The following ASB4 variants were observed in gnomAD, a reference collection of about 807,000 sequenced individuals.
ASB4 encodes the protein ankyrin repeat and SOCS box protein 4.
A neutral mutation model predicts 38.6 loss-of-function variants in ASB4; 35 were observed. The ratio of observed to expected loss-of-function variants is 0.91; its 90% CI spans 0.69 to 1.20. The LOEUF (loss-of-function observed/expected upper bound fraction) is 1.20. Ranked by LOEUF, ASB4 falls within the 50% of genes most tolerant of loss-of-function variation. ASB4 has a pLI of 0.00. For missense variants in ASB4, 557 were observed against 527.2 expected, an observed-to-expected ratio of 1.06 and a Z score of -0.55; for synonymous variants, 195 against 201.3, an observed-to-expected ratio of 0.97 and a Z score of 0.26.
chr7:95,478,765 G>C (rs1789999352), intron 1 of ASB4, among the ~76,000 whole-genome samples: 1 of 152,198 alleles, frequency 6.6e-6, no homozygotes, highest in East Asian at 1.9e-4. Flanking sequence ...ATGTGCTTGC[G>C]TAGGACTTTG....
the ASB4 span, among the ~76,000 whole-genome samples, chr7:95,549,867 CT>C: frequency 6.6e-6 from 1 of 152,238 alleles, no homozygotes; most frequent in South Asian, 2.1e-4. Context: ...AAATTTCACT[CT>C]TCTGAAAAGG....
chr7:95,533,292 T>G (rs1469817618), intron 3 of ASB4, among the ~76,000 whole-genome samples: 1 of 152,188 alleles, frequency 6.6e-6, no homozygotes, highest in Non-Finnish European at 1.5e-5. Context: ...AAGATGATAT[T>G]CTGATCTCTG....
At position 95,492,903 on chromosome 7, in the gene ASB4, A is replaced by G. The variant is rs572943397; in HGVS notation, c.188-2855A>G. On this transcript the variant is annotated intron_variant, in intron 1 of 4. Transcript: ENST00000325885. ...TCGTTCATCATCAAAAGCAAGCTGC[A>G]TGACATACAGCTTAGGAACTCTGCT... Among the ~76,000 whole-genome samples the G allele has an allele frequency of 2.0e-5, 3 of 152,378 alleles. No homozygotes were observed. In the East Asian group the frequency reaches 5.8e-4, roughly 29 times the overall value.
At position 95,519,224 on chromosome 7, in the gene ASB4, G is replaced by A. The variant is rs181115415; in HGVS notation, c.488-8589G>A. Among the ~76,000 whole-genome samples the A allele has an allele frequency of 2.6e-4, 40 of 152,278 alleles. No homozygotes were observed. In the East Asian group the frequency reaches 7.5e-3, roughly 29 times the overall value. Reference sequence around the variant, plus strand: ...CAACCAACTGAAAATATGCTTTGGCGACAGTTCATGACATACTCGACACTG... The same window carrying A: ...CAACCAACTGAAAATATGCTTTGGCAACAGTTCATGACATACTCGACACTG... On this transcript the variant is annotated intron_variant, in intron 2 of 4. Transcript: ENST00000325885.
At chr7:95,513,278 A>T in intron 2 of ASB4, among the ~76,000 whole-genome samples, 1 of 94,138 alleles carries the variant, frequency 1.1e-5, no homozygotes, top group African/African-American at 4.3e-5. Flanking sequence ...TTTTTTTAGA[A>T]ATCGAGCCAA....
intron 3 of ASB4, among the ~76,000 whole-genome samples, chr7:95,530,390 G>A (rs374777901): frequency 5.3e-5 from 8 of 152,108 alleles, no homozygotes; most frequent in Non-Finnish European, 8.8e-5. Flanking sequence ...GCTTGAACCC[G>A]GGAGGCAGAG....
At chr7:95,535,056 A>T (rs1436745022) in intron 3 of ASB4, among the ~76,000 whole-genome samples, 2 of 152,018 alleles carry the variant, frequency 1.3e-5, no homozygotes, top group African/African-American at 4.8e-5. Flanking sequence ...ACTCACTCAC[A>T]CACACACACA....
rs1283065270 is a variant in ASB4, at chr7:95,539,061, G to A, written c.*1302G>A. The A allele has an allele frequency of 1.5e-5, 2 of 131,622 alleles. No individual in the cohort carries two copies. Among genetic ancestry groups the A allele is most frequent in the Non-Finnish European group, 3.1e-5 (2 of 63,866 alleles). 8.2% of individuals were successfully genotyped at this position (131,622 alleles called of 1,614,324 possible). A position where few individuals can be genotyped will look rare whatever the true frequency, so the allele number is the denominator to read the frequency against. The stretch of plus-strand genomic sequence containing the variant: ...CCTTGTGGTTTATGAGGTCAATTTT[G>A]CTTCACTTTTTTTTTTGTTCTTGCT... On this transcript the variant is annotated 3_prime_UTR_variant, in exon 5 of 5. Transcript: ENST00000325885.
intron 2 of ASB4, among the ~76,000 whole-genome samples, chr7:95,502,795 A>G (rs1790359862): frequency 6.6e-6 from 1 of 152,204 alleles, no homozygotes. Flanking sequence ...ATGTACCACA[A>G]TTGAAAATAT....
Position 95,537,783 on chromosome 7 carries a change from A to T in ASB4, c.*24A>T. 1 of 1,596,508 alleles carries T rather than the reference A, an allele frequency of 6.3e-7. No homozygotes were observed. Among genetic ancestry groups the T allele is most frequent in the Non-Finnish European group, 8.6e-7 (1 of 1,168,068 alleles). ...AAGCCTTATGAGACAGCAGTTCCCA[A>T]TCCTAGGTATTTAAGTGGACTTGCT... On this transcript the variant is annotated 3_prime_UTR_variant, in exon 5 of 5. Transcript: ENST00000325885.
chr7:95,549,300 C>CTTTTTTTTTTTT, the ASB4 span, among the ~76,000 whole-genome samples: 3 of 83,086 alleles, frequency 3.6e-5, no homozygotes, highest in Non-Finnish European at 6.8e-5. Context: ...TAGGAGACTC[C>CTTTTTTTTTTTT]ATTTTTTTTT....
intron 2 of ASB4, among the ~76,000 whole-genome samples, chr7:95,521,116 T>C (rs1790656382): frequency 6.6e-6 from 1 of 152,190 alleles, no homozygotes; most frequent in Admixed American, 6.5e-5. Flanking sequence ...AGTAAAACTT[T>C]CCATTTATTG....
Position 95,510,210 on chromosome 7 carries a change from A to G in ASB4, c.487+14153A>G, listed in dbSNP as rs1790461360. ...AAAAACTGTCGATGTTTCTTCCGAA[A>G]TGAGTCCCATCAAGGCAATCGTTTA... On this transcript the variant is annotated intron_variant, in intron 2 of 4. Transcript: ENST00000325885. Among the ~76,000 whole-genome samples, 4 of 152,288 alleles carry G rather than the reference A, an allele frequency of 2.6e-5. No homozygotes were observed. The South Asian group carries it at 8.3e-4, about 32-fold the overall frequency.
At chr7:95,515,372 CT>C (rs781324812) in intron 2 of ASB4, among the ~76,000 whole-genome samples, 14 of 104,760 alleles carry the variant, frequency 1.3e-4, no homozygotes, top group Admixed American at 5.0e-4. Context: ...TCTTTTCTTT[CT>C]TTCTTTTCTT....
chr7:95,549,543 C>A, the ASB4 span, among the ~76,000 whole-genome samples: 8 of 151,996 alleles, frequency 5.3e-5, no homozygotes, highest in African/African-American at 1.7e-4. Flanking sequence ...GTGATCCGCC[C>A]GCCTTGGGCT....
intron 3 of ASB4, among the ~76,000 whole-genome samples, chr7:95,530,967 T>G (rs1204087768): frequency 6.6e-6 from 1 of 152,152 alleles, no homozygotes; most frequent in African/African-American, 2.4e-5. Flanking sequence ...CTTAAGAGTG[T>G]GATTAAATAA....
upstream of ASB4, chr7:95,485,905 A>G: frequency 3.5e-6 from 5 of 1,433,878 alleles, no homozygotes; most frequent in Non-Finnish European, 4.8e-6. Flanking sequence ...ACTCTCCAGC[A>G]TGCGCCTGTT....
Position 95,511,636 on chromosome 7 carries a change from T to C in ASB4, c.487+15579T>C, listed in dbSNP as rs143736047. Among the ~76,000 whole-genome samples the C allele has an allele frequency of 1.2e-3, 175 of 151,008 alleles. 2 individuals are homozygous for C. Among genetic ancestry groups the C allele is most frequent in the African/African-American group, 4.1e-3 (168 of 40,950 alleles). ...GAGATTGCGCCATTGCACTCCAGCC[T>C]GGGCAACAAGAGCAAAACTCCGTCT... On this transcript the variant is annotated intron_variant, in intron 2 of 4. Coordinates refer to ENST00000325885, the MANE Select transcript of ASB4 (RefSeq NM_016116.3).
chr7:95,546,917 G>A, the ASB4 span, among the ~76,000 whole-genome samples: 1 of 152,154 alleles, frequency 6.6e-6, no homozygotes, highest in Non-Finnish European at 1.5e-5. Context: ...CAAAGTCTTG[G>A]CCTTCATTGG....
Sources: gnomAD v4.1 joint callset for allele counts (sites outside exome capture counted in the v4.1 genomes callset) on GRCh38, gnomAD v4.1.1 for gene constraint, MANE v1.5 for transcripts, NCBI Gene and HGNC (gene_info 2026-07-23, HGNC 2026-07-21) for gene names.